CLDN10: variants seen among roughly 807,000 people sequenced by gnomAD.
CLDN10 encodes claudin 10, also known as claudin-10.
Under a neutral mutation model 22.9 loss-of-function variants are expected in CLDN10, and 15 were observed. The ratio of observed to expected loss-of-function variants is 0.65; its 90% confidence interval spans 0.44 to 1.01. The LOEUF is 1.01. Ranked by LOEUF, CLDN10 falls within the 50% of genes least tolerant of loss-of-function variation. The probability of loss-of-function intolerance (pLI) is 0.00; values close to 1 mark genes in which losing one functional copy is unlikely to be tolerated. For missense variants in CLDN10, 247 were observed against 287.8 expected, an observed-to-expected ratio of 0.86 and a Z score of 1.03; for synonymous variants, 114 against 111.4, an observed-to-expected ratio of 1.02 and a Z score of -0.15.
chr13:95,528,136 C>G (rs558416810), intron 1 of CLDN10, among the ~76,000 whole-genome samples: 15 of 152,154 alleles, frequency 9.9e-5, no homozygotes, highest in Non-Finnish European at 1.9e-4. Context: ...TGGCTGTGTC[C>G]TCACCCAATT....
intron 1 of CLDN10, among the ~76,000 whole-genome samples, chr13:95,535,172 T>C (rs530644725): frequency 6.6e-6 from 1 of 152,296 alleles, no homozygotes; most frequent in African/African-American, 2.4e-5. Context: ...AGGATACCTT[T>C]TGTGTCATGA....
chr13:95,481,909 C>T (rs1047839904), intron 1 of CLDN10, among the ~76,000 whole-genome samples: 1 of 152,062 alleles, frequency 6.6e-6, no homozygotes, highest in Non-Finnish European at 1.5e-5. Flanking sequence ...ATCCCAGTAA[C>T]TTGGGAGGCT....
upstream of CLDN10, chr13:95,552,569 C>G (rs2043578155): frequency 6.2e-6 from 2 of 321,236 alleles, no homozygotes; most frequent in African/African-American, 4.5e-5. Flanking sequence ...CTCTGAGGCC[C>G]CTCAAGGGAC....
chr13:95,556,032 C>T (rs1472073699), intron 1 of CLDN10, among the ~76,000 whole-genome samples: 2 of 151,896 alleles, frequency 1.3e-5, no homozygotes, highest in African/African-American at 4.8e-5. Flanking sequence ...ACGACGAGGT[C>T]ATTATTCTGA....
intron 1 of CLDN10, among the ~76,000 whole-genome samples, chr13:95,483,061 T>G (rs1207666478): frequency 6.6e-6 from 1 of 152,212 alleles, no homozygotes; most frequent in Non-Finnish European, 1.5e-5. Flanking sequence ...TGAGAAATGA[T>G]TCTCCATCGT....
intron 1 of CLDN10, among the ~76,000 whole-genome samples, chr13:95,490,851 A>G (rs4587819): frequency 0.46 from 69,696 of 152,016 alleles, 16,752 homozygotes; most frequent in Non-Finnish European, 0.52. Flanking sequence ...TGCTGTTAGC[A>G]GAGTATTGAA....
At chr13:95,434,730 A>G (rs563635397) in intron 1 of CLDN10, among the ~76,000 whole-genome samples, 3 of 152,050 alleles carry the variant, frequency 2.0e-5, no homozygotes, top group East Asian at 3.9e-4. Flanking sequence ...AAACAATCCA[A>G]CCACTTCCAC....
intron 1 of CLDN10, among the ~76,000 whole-genome samples, chr13:95,480,190 G>A (rs1417137536): frequency 2.7e-5 from 4 of 150,118 alleles, no homozygotes; most frequent in East Asian, 1.9e-4. Flanking sequence ...GGAATGACCC[G>A]CCCCCATGAT....
chr13:95,495,827 G>T (rs1372324766), intron 1 of CLDN10, among the ~76,000 whole-genome samples: 1 of 151,798 alleles, frequency 6.6e-6, no homozygotes, highest in Non-Finnish European at 1.5e-5. Context: ...ATTTCTAATG[G>T]GCAGTAAATA....
chr13:95,518,854 T>C (rs576971609), intron 1 of CLDN10, among the ~76,000 whole-genome samples: 1 of 152,346 alleles, frequency 6.6e-6, no homozygotes, highest in South Asian at 2.1e-4. Flanking sequence ...ACATGGACCC[T>C]AGGTAACTCA....
intron 1 of CLDN10, among the ~76,000 whole-genome samples, chr13:95,454,965 T>A (rs2042468190): frequency 6.6e-6 from 1 of 152,064 alleles, no homozygotes; most frequent in African/African-American, 2.4e-5. Flanking sequence ...GGGAGGAGGA[T>A]CACTTGAGGC....
intron 3 of CLDN10, among the ~76,000 whole-genome samples, chr13:95,564,281 A>G (rs2043755090): frequency 6.6e-6 from 1 of 152,184 alleles, no homozygotes; most frequent in Non-Finnish European, 1.5e-5. Flanking sequence ...GAATTAGCAA[A>G]GAAAATTGTT....
At chr13:95,565,606 G>T (rs755788104) in intron 3 of CLDN10, among the ~76,000 whole-genome samples, 3 of 152,050 alleles carry the variant, frequency 2.0e-5, no homozygotes, top group Non-Finnish European at 4.4e-5. Context: ...TTAGTAGTTA[G>T]AAATAAACAA....
chr13:95,545,355 C>T (rs1453981123), intron 1 of CLDN10, among the ~76,000 whole-genome samples: 7 of 151,760 alleles, frequency 4.6e-5, no homozygotes, highest in African/African-American at 9.7e-5. Flanking sequence ...ACCAGCCTGA[C>T]CAACATGGAG....
rs570893683 is a variant in CLDN10 at position 95,569,021 on chromosome 13, G to A, written c.465-8210G>A. ...TGAGGATAATACATACTAGGAGGCTGTTGTCAGGATTAAATGAGATAGTAT... is the reference window on the plus strand; with the variant it reads ...TGAGGATAATACATACTAGGAGGCTATTGTCAGGATTAAATGAGATAGTAT... On this transcript the variant is annotated intron_variant, in intron 3 of 4. Coordinates refer to ENST00000299339, the MANE Select transcript of CLDN10 (RefSeq NM_006984.5). Among the ~76,000 whole-genome samples the A allele has an allele frequency of 2.6e-5, 4 of 152,244 alleles. No homozygotes were observed. In the South Asian group the frequency reaches 6.2e-4, roughly 24 times the overall value.
intron 1 of CLDN10, among the ~76,000 whole-genome samples, chr13:95,481,574 T>C (rs2042747522): frequency 1.3e-5 from 2 of 152,216 alleles, no homozygotes; most frequent in Admixed American, 1.3e-4. Context: ...AACTCTGCTG[T>C]TGGGCATGAG....
In CLDN10 at chr13:95,510,973, G is replaced by A. The variant is rs1038498242; in HGVS notation, c.215-49159G>A. Reference sequence around the variant, plus strand: ...AGAAAATGTTCAGGGTGTTGGAAACGCTCTGTCAGCCAAAAAAATGTAAAG... The same window carrying A: ...AGAAAATGTTCAGGGTGTTGGAAACACTCTGTCAGCCAAAAAAATGTAAAG... On this transcript the variant is annotated intron_variant, in intron 1 of 4. Coordinates refer to the CLDN10 transcript ENST00000376873. Among the ~76,000 whole-genome samples the A allele has an allele frequency of 7.2e-5, 11 of 152,180 alleles. No homozygotes were observed. In the East Asian group the frequency reaches 9.7e-4, roughly 13 times the overall value.
rs558833208 is a variant in CLDN10 at position 95,449,029 on chromosome 13, G to A, written c.214+14982G>A. Among the ~76,000 whole-genome samples the A allele has an allele frequency of 4.6e-5, 7 of 151,882 alleles. No individual in the cohort carries two copies. In the East Asian group the frequency reaches 5.8e-4, roughly 13 times the overall value. Reference sequence around the variant, plus strand: ...GCTGAGATTATAGGCATGAACCACCGTGCCCCGTTCCACTAAGCCATACTC... The same window carrying A: ...GCTGAGATTATAGGCATGAACCACCATGCCCCGTTCCACTAAGCCATACTC... On this transcript the variant is annotated intron_variant, in intron 1 of 4. Coordinates refer to the CLDN10 transcript ENST00000376873.
intron 1 of CLDN10, among the ~76,000 whole-genome samples, chr13:95,473,656 C>T (rs919589221): frequency 3.9e-5 from 6 of 152,336 alleles, no homozygotes; most frequent in East Asian, 3.9e-4. Context: ...CTACGGGAAC[C>T]GAGGGCTGAG....
Sources: allele counts gnomAD v4.1 joint callset (sites outside exome capture counted in the v4.1 genomes callset), GRCh38; gene constraint gnomAD v4.1.1; transcripts MANE v1.5; gene names NCBI Gene and HGNC (gene_info 2026-07-23, HGNC 2026-07-21).